Variants in ZNF365 observed in about 807,000 individuals in gnomAD.
The protein encoded by ZNF365 is protein ZNF365.
Under a neutral mutation model 35.0 loss-of-function variants are expected in ZNF365, and 22 were observed. That is an observed-to-expected ratio of 0.63 (90% CI 0.45 to 0.90). ZNF365 has a LOEUF of 0.90. Among genes scored for constraint, ZNF365 ranks in the 40% least tolerant of loss-of-function variants. The probability of loss-of-function intolerance (pLI) is 0.00; values close to 1 mark genes in which losing one functional copy is unlikely to be tolerated. For missense variants in ZNF365, 448 were observed against 500.3 expected (o/e 0.90, Z 1.00); for synonymous variants, 188 against 196.2 (o/e 0.96, Z 0.35).
chr10:62,377,440 G>A (rs1382845470), intron 2 of ZNF365, among the ~76,000 whole-genome samples: 1 of 152,172 alleles, frequency 6.6e-6, no homozygotes, highest in African/African-American at 2.4e-5. Context: ...AATGTTAGTA[G>A]CTGAGAATCC....
chr10:62,454,483 A>G (rs954689496), intron 3 of ZNF365, among the ~76,000 whole-genome samples: 3 of 152,248 alleles, frequency 2.0e-5, no homozygotes, highest in African/African-American at 7.2e-5. Flanking sequence ...CATAATAAAC[A>G]TAATTTATTT....
At chr10:62,463,689 T>C (rs901993932) in intron 4 of ZNF365, among the ~76,000 whole-genome samples, 3 of 152,240 alleles carry the variant, frequency 2.0e-5, no homozygotes, top group East Asian at 3.8e-4. Flanking sequence ...TTTTCCACAG[T>C]GTAAACATAA....
exon 5 of ZNF365, chr10:62,479,945 C>T (rs750050399): frequency 9.3e-6 from 15 of 1,609,808 alleles, no homozygotes; most frequent in Admixed American, 1.7e-5. Context: ...TCAAGAGAAT[C>T]GCAAATTAAT....
chr10:62,384,001 C>T lies in ZNF365; in HGVS notation c.744-4395C>T, dbSNP rs76095681. Among the ~76,000 whole-genome samples, 568 of 151,538 alleles carry T rather than the reference C, an allele frequency of 3.7e-3. 7 individuals carry two copies. The highest frequency in any genetic ancestry group is 0.013 in the African/African-American group (538 of 41,278). On this transcript the variant is annotated intron_variant, in intron 2 of 4. Coordinates refer to ENST00000395254, the MANE Select transcript of ZNF365 (RefSeq NM_014951.3). ...TCTGCATAATAATGAGCTTCAAGGT[C>T]AGTTTCTTATATTGTACTGGTATTT...
At chr10:62,415,421 G>T (rs1445457833) in intron 3 of ZNF365, among the ~76,000 whole-genome samples, 1 of 151,960 alleles carries the variant, frequency 6.6e-6, no homozygotes, top group African/African-American at 2.4e-5. Flanking sequence ...CCTCTTATTT[G>T]GTCCTGTTAT....
chr10:62,418,090 CACAA>C (rs2132445269), intron 3 of ZNF365, among the ~76,000 whole-genome samples: 1 of 151,756 alleles, frequency 6.6e-6, no homozygotes, highest in Admixed American at 6.6e-5. Flanking sequence ...GACAAAAATG[CACAA>C]ACAACTAAAG....
chr10:62,392,270 T>C (rs1839643666), intron 3 of ZNF365, among the ~76,000 whole-genome samples: 1 of 152,234 alleles, frequency 6.6e-6, no homozygotes, highest in Non-Finnish European at 1.5e-5. Context: ...ATCTTTGTTT[T>C]TGTTGCATTT....
rs145818588 is a variant in ZNF365, at chr10:62,462,193, C to CCA, written c.981+2411_981+2412dup. On this transcript the variant is annotated intron_variant, in intron 4 of 4. Coordinates refer to the ZNF365 transcript ENST00000395255. ...GATGTTTCAGCCACTACCTCCCCTC[C>CCA]CACACACACACACACAGAGGAGGCT... 5.5e-3 allele frequency among the ~76,000 whole-genome samples: 829 copies of CCA among 151,080 alleles called. 7 individuals carry two copies. Among genetic ancestry groups the CCA allele is most frequent in the African/African-American group, 0.018 (759 of 41,314 alleles).
chr10:62,446,277 A>G (rs1010203481), intron 3 of ZNF365, among the ~76,000 whole-genome samples: 1 of 152,108 alleles, frequency 6.6e-6, no homozygotes, highest in African/African-American at 2.4e-5. Flanking sequence ...ATTTCATGTC[A>G]TAGTAGTGAA....
In ZNF365 at chr10:62,428,110, C is replaced by A. The variant is rs192352719; in HGVS notation, c.925-31631C>A. Among the ~76,000 whole-genome samples, 348 of 152,182 alleles carry A rather than the reference C, an allele frequency of 2.3e-3. 1 individual carries two copies. The highest frequency in any genetic ancestry group is 7.3e-3 in the South Asian group (35 of 4,810). On this transcript the variant is annotated intron_variant, in intron 3 of 4. Transcript: ENST00000395255. Reference sequence around the variant, plus strand: ...TTGATCCTACGTGATTAATTCCCTGCGTGTCAGGACACAAATATTATGATA... The same window carrying A: ...TTGATCCTACGTGATTAATTCCCTGAGTGTCAGGACACAAATATTATGATA...
Position 62,379,522 on chromosome 10 carries a change from C to A in ZNF365, c.743+2586C>A, listed in dbSNP as rs866261810. Among the ~76,000 whole-genome samples the A allele has an allele frequency of 5.3e-5, 8 of 152,042 alleles. No homozygotes were observed. The South Asian group carries it at 1.0e-3, about 20-fold the overall frequency. On this transcript the variant is annotated intron_variant, in intron 2 of 4. Coordinates refer to ENST00000395254, the MANE Select transcript of ZNF365 (RefSeq NM_014951.3). ...TGTATTCAGGCCTCAAATAATCACT[C>A]TTTCTGTACATAAAGTGGGACTGAA...
chr10:62,448,552 T>A (rs1840628222), intron 3 of ZNF365, among the ~76,000 whole-genome samples: 2 of 152,110 alleles, frequency 1.3e-5, no homozygotes, highest in African/African-American at 4.8e-5. Context: ...ATTTGGAGTG[T>A]TTTTTTACTT....
intron 4 of ZNF365, among the ~76,000 whole-genome samples, chr10:62,462,195 A>G (rs11815831): frequency 0.038 from 5,677 of 150,992 alleles, 167 homozygotes; most frequent in East Asian, 0.19. Flanking sequence ...CTCCCCTCCC[A>G]CACACACACA....
At chr10:62,463,820 T>C (rs1840887141) in intron 4 of ZNF365, among the ~76,000 whole-genome samples, 1 of 152,208 alleles carries the variant, frequency 6.6e-6, no homozygotes, top group African/African-American at 2.4e-5. Context: ...CTGTGGGATT[T>C]CTAGTAGAAG....
intron 3 of ZNF365, among the ~76,000 whole-genome samples, chr10:62,451,748 C>T (rs148256738): frequency 3.7e-4 from 57 of 152,242 alleles, no homozygotes; most frequent in Non-Finnish European, 7.8e-4. Context: ...TCCAAAAGGG[C>T]TTCCCCTGTG....
chr10:62,476,356 T>A (rs1308698279), intron 4 of ZNF365, among the ~76,000 whole-genome samples: 1 of 152,196 alleles, frequency 6.6e-6, no homozygotes, highest in East Asian at 1.9e-4. Flanking sequence ...GGATTCTAAC[T>A]GATCTTTCCT....
rs183210417 is a variant in ZNF365 at position 62,456,830 on chromosome 10, A to G, written c.925-2911A>G. Among the ~76,000 whole-genome samples the G allele has an allele frequency of 9.8e-4, 143 of 146,160 alleles. 1 individual carries two copies. Among genetic ancestry groups the G allele is most frequent in the Non-Finnish European group, 1.8e-3 (119 of 67,500 alleles). On this transcript the variant is annotated intron_variant, in intron 3 of 4. Coordinates refer to the ZNF365 transcript ENST00000395255. ...AATGATGCTCAGTTAAAACACACACACGTGCGCACACATGCACACACACAC... is the reference window on the plus strand; with the variant it reads ...AATGATGCTCAGTTAAAACACACACGCGTGCGCACACATGCACACACACAC...
At chr10:62,418,475 A>T (rs1422323424) in intron 3 of ZNF365, among the ~76,000 whole-genome samples, 1 of 152,074 alleles carries the variant, frequency 6.6e-6, no homozygotes, top group African/African-American at 2.4e-5. Context: ...AAAAGAAGTG[A>T]TGTGCAGCAA....
At chr10:62,441,274 A>G (rs1243828919) in intron 3 of ZNF365, among the ~76,000 whole-genome samples, 2 of 152,130 alleles carry the variant, frequency 1.3e-5, no homozygotes, top group Non-Finnish European at 2.9e-5. Flanking sequence ...GAACCATTCT[A>G]CACCCATTGG....
Sources: gnomAD v4.1 joint callset for allele counts (sites outside exome capture counted in the v4.1 genomes callset) on GRCh38, gnomAD v4.1.1 for gene constraint, MANE v1.5 for transcripts, NCBI Gene and HGNC (gene_info 2026-07-23, HGNC 2026-07-21) for gene names.